CTDP1: variants seen among roughly 807,000 people sequenced by gnomAD.
CTDP1 encodes CTD phosphatase 1, also known as RNA polymerase II subunit A C-terminal domain phosphatase.
In CTDP1, 47 loss-of-function variants were observed where a neutral mutation model predicts 91.8. That is an observed-to-expected ratio of 0.51 (90% confidence interval 0.41 to 0.65). The LOEUF (loss-of-function observed/expected upper bound fraction) is 0.65. CTDP1 is among the 30% of genes least tolerant of loss of function. The probability of loss-of-function intolerance (pLI) is 0.00; values close to 1 mark genes in which losing one functional copy is unlikely to be tolerated. For missense variants in CTDP1, 1,272 were observed against 1,373.7 expected (o/e 0.93, Z 1.17); for synonymous variants, 656 against 598.5 (o/e 1.10, Z -1.40).
At chr18:79,729,661 G>A (rs1013092339) in intron 11 of CTDP1, among the ~76,000 whole-genome samples, 1 of 152,252 alleles carries the variant, frequency 6.6e-6, no homozygotes, top group Non-Finnish European at 1.5e-5. Flanking sequence ...CCCTTGGCCC[G>A]TGTGCTTCTC....
At chr18:79,747,734 G>A (rs1229936822) in intron 12 of CTDP1, among the ~76,000 whole-genome samples, 1 of 152,208 alleles carries the variant, frequency 6.6e-6, no homozygotes, top group African/African-American at 2.4e-5. Context: ...ACGCCGGCAC[G>A]GGTTTTTTAG....
chr18:79,696,657 G>A (rs1429311562), intron 3 of CTDP1, among the ~76,000 whole-genome samples: 1 of 152,152 alleles, frequency 6.6e-6, no homozygotes, highest in Non-Finnish European at 1.5e-5. Context: ...TTGCCTTGTA[G>A]CCGACAGGAG....
chr18:79,729,777 G>A (rs1160729869), intron 11 of CTDP1, among the ~76,000 whole-genome samples: 1 of 152,226 alleles, frequency 6.6e-6, no homozygotes, highest in Admixed American at 6.5e-5. Flanking sequence ...TCTTTAGGAG[G>A]ACTGTCCTGG....
At chr18:79,733,260 G>A (rs772563952) in intron 11 of CTDP1, among the ~76,000 whole-genome samples, 56 of 152,248 alleles carry the variant, frequency 3.7e-4, no homozygotes, top group East Asian at 1.2e-3. Flanking sequence ...GGATCCTCGC[G>A]CCGCAGCCTC....
chr18:79,709,242 CTG>C (rs2086031161), intron 5 of CTDP1, among the ~76,000 whole-genome samples: 1 of 152,216 alleles, frequency 6.6e-6, no homozygotes, highest in African/African-American at 2.4e-5. Context: ...CCTATATACT[CTG>C]TGGTTCTTGT....
At chr18:79,738,609 G>A (rs916150442) in intron 12 of CTDP1, among the ~76,000 whole-genome samples, 1 of 152,226 alleles carries the variant, frequency 6.6e-6, no homozygotes, top group Non-Finnish European at 1.5e-5. Flanking sequence ...TCTCCTGTAG[G>A]TGAATAAACA....
At position 79,713,787 on chromosome 18, in the gene CTDP1, G is replaced by C. The variant is rs2086130579; in HGVS notation, c.1030+649G>C. On this transcript the variant is annotated intron_variant, in intron 7 of 12. Transcript: ENST00000613122. This position sits in a 1 kb window ranked among gnomAD's most constrained non-coding sequence, Gnocchi z 4.7. ...AGATGGGTGGGGTCAGCGTGGAGTT[G>C]CTGACTTCCTCCAGACCGTGGCTTG... Among the ~76,000 whole-genome samples, 1 of 152,186 alleles carries C rather than the reference G, an allele frequency of 6.6e-6. No homozygotes were observed. The highest frequency in any genetic ancestry group is 1.9e-4 in the East Asian group (1 of 5,194).
At chr18:79,703,825 G>A (rs752274086) in intron 4 of CTDP1, among the ~76,000 whole-genome samples, 2 of 152,144 alleles carry the variant, frequency 1.3e-5, no homozygotes, top group African/African-American at 4.8e-5. Context: ...AGCTATCATC[G>A]GTGGTTATGT....
chr18:79,751,697 G>A (rs1240598817), intron 12 of CTDP1, among the ~76,000 whole-genome samples: 1 of 152,214 alleles, frequency 6.6e-6, no homozygotes, highest in Non-Finnish European at 1.5e-5. Flanking sequence ...TGCGTGCTGT[G>A]TGTGCGTGCA....
chr18:79,751,865 A>C (rs955469850), intron 12 of CTDP1, among the ~76,000 whole-genome samples: 1 of 152,222 alleles, frequency 6.6e-6, no homozygotes, highest in African/African-American at 2.4e-5. Context: ...AAATATTCTT[A>C]GGGTACTCAC....
intron 12 of CTDP1, among the ~76,000 whole-genome samples, chr18:79,742,034 C>G (rs903949284): frequency 6.6e-6 from 1 of 152,112 alleles, no homozygotes; most frequent in East Asian, 1.9e-4. Flanking sequence ...GAGGAAATGC[C>G]GGGAGCAGGG....
At chr18:79,696,124 G>C in intron 3 of CTDP1, 54 bp downstream of exon 3, 4 of 1,516,646 alleles carry the variant, frequency 2.6e-6, no homozygotes, top group Non-Finnish European at 3.6e-6. Flanking sequence ...TCTGAGGAGG[G>C]CGGCTGCAGG....
At chr18:79,695,918 GT>G in intron 2 of CTDP1, 58 bp from the exon 3 acceptor site, 1 of 1,333,600 alleles carries the variant, frequency 7.5e-7, no homozygotes, top group Non-Finnish European at 1.1e-6. Flanking sequence ...TTAGAGCCCA[GT>G]GTGCATCTGT....
chr18:79,679,985 G>A lies in CTDP1; in HGVS notation c.38G>A (p.Gly13Asp). ...GCCGCGGGTCGCGTTCCTGCCGAGG[G>A]CGCCCCGACGGCGGCTGTGGCCGAG... ...VPAAGRVPAE[G>D]APTAAVAEVR... Residue 13 changes from glycine (G) to aspartate (D), a missense_variant, in exon 1 of 13, where the codon GGC becomes GAC. Transcript: ENST00000613122. The A allele has an allele frequency of 3.0e-6, 4 of 1,348,748 alleles. No individual in the cohort carries two copies. The highest frequency in any genetic ancestry group is 3.8e-6 in the Non-Finnish European group (4 of 1,047,520). 83.5% of individuals were successfully genotyped at this position (1,348,748 alleles called of 1,614,324 possible).
At position 79,681,495 on chromosome 18, in the gene CTDP1, A is replaced by C. The variant is rs2085367764; in HGVS notation, c.314+1234A>C. ...CATTCTGTTCCTCTGATTGTACAGA[A>C]AGGGCTGCTTTGGCCTAGACAGGTG... is the stretch of plus-strand genomic sequence containing the variant. On this transcript the variant is annotated intron_variant, in intron 1 of 12. Transcript: ENST00000613122. 4.1e-6 allele frequency: 4 copies of C among 985,426 alleles called. No individual in the cohort carries two copies. The South Asian group carries it at 1.4e-4, about 35-fold the overall frequency. The allele number at this position is 985,426 out of a possible 1,614,324, so 61.0% of individuals were successfully genotyped here.
chr18:79,681,534 T>A, intron 1 of CTDP1: 1 of 968,986 alleles, frequency 1.0e-6, no homozygotes, highest in Non-Finnish European at 1.2e-6. Flanking sequence ...AACTTGGTTA[T>A]GTGGCAAGTT....
At chr18:79,740,641 A>G (rs2086757642) in intron 12 of CTDP1, among the ~76,000 whole-genome samples, 1 of 152,180 alleles carries the variant, frequency 6.6e-6, no homozygotes, top group Non-Finnish European at 1.5e-5. Flanking sequence ...AGCTGGTGGT[A>G]CGTCTTGCTA....
At chr18:79,726,546 C>T (rs986722832) in intron 10 of CTDP1, among the ~76,000 whole-genome samples, 3 of 152,106 alleles carry the variant, frequency 2.0e-5, no homozygotes, top group Non-Finnish European at 4.4e-5. Context: ...AAACCTGGAC[C>T]TGTCACATCA....
chr18:79,741,180 G>A (rs3859321), intron 12 of CTDP1, among the ~76,000 whole-genome samples: 30,605 of 143,624 alleles, frequency 0.21, 3,348 homozygotes, highest in East Asian at 0.32. Context: ...GGTTGGGTGA[G>A]GTCCCCGTGC....
Sources: gnomAD v4.1 joint callset for allele counts (sites outside exome capture counted in the v4.1 genomes callset) on GRCh38, gnomAD v4.1.1 for gene constraint, Gnocchi (gnomAD v3.1) non-coding constraint, MANE v1.5 for transcripts, NCBI Gene and HGNC (gene_info 2026-07-23, HGNC 2026-07-21) for gene names.